UBXN2A: variants seen among roughly 807,000 people sequenced by gnomAD.
UBXN2A encodes the protein UBX domain protein 2A.
UBXN2A carries 28 observed loss-of-function variants against 28.4 expected under a neutral mutation model. The observed-to-expected ratio is 0.99, with a 90% CI of 0.73 to 1.35. The LOEUF (loss-of-function observed/expected upper bound fraction) is 1.35, where lower values mean the gene tolerates loss of function less well. UBXN2A is among the 40% of genes most tolerant of loss of function. UBXN2A has a pLI of 0.00. For synonymous variants in UBXN2A, 97 were observed against 103.6 expected, an observed-to-expected ratio of 0.94 and a Z score of 0.39; for missense variants, 253 against 297.9, an observed-to-expected ratio of 0.85 and a Z score of 1.11.
intron 5 of UBXN2A, 131 bp downstream of exon 5, chr2:23,983,164 A>G (rs1002527947): frequency 1.8e-6 from 2 of 1,132,448 alleles, no homozygotes; most frequent in African/African-American, 3.2e-5. Flanking sequence ...ATTTTTTTTA[A>G]TGTTAATTTT....
chr2:23,956,508 A>G (rs1706632536), intron 1 of UBXN2A, among the ~76,000 whole-genome samples: 1 of 151,802 alleles, frequency 6.6e-6, no homozygotes, highest in Non-Finnish European at 1.5e-5. Context: ...GCCGACCACC[A>G]TGCCTGGCTA....
intron 1 of UBXN2A, among the ~76,000 whole-genome samples, chr2:23,930,722 A>T (rs1489875058): frequency 6.6e-6 from 1 of 152,218 alleles, no homozygotes; most frequent in African/African-American, 2.4e-5. Flanking sequence ...AATTTTAAAA[A>T]AGAGAAAGAA....
chr2:23,987,994 A>G (rs72781649), intron 6 of UBXN2A, among the ~76,000 whole-genome samples: 18,572 of 150,026 alleles, frequency 0.12, 1,231 homozygotes, highest in Middle Eastern at 0.23. Flanking sequence ...GTCGTGGCGT[A>G]TGTCTGTAAT....
At chr2:23,977,137 G>A in intron 4 of UBXN2A, 62 bp downstream of exon 4, 1 of 1,360,422 alleles carries the variant, frequency 7.4e-7, no homozygotes, top group African/African-American at 1.4e-5. Flanking sequence ...GCTGTGGCGA[G>A]AGGATTGCCT....
chr2:23,947,108 G>A (rs1331619550), intron 1 of UBXN2A, among the ~76,000 whole-genome samples: 1 of 152,072 alleles, frequency 6.6e-6, no homozygotes, highest in African/African-American at 2.4e-5. Context: ...GGCTGATCTT[G>A]AACTCCTAGC....
chr2:23,942,066 C>A (rs969240138), intron 1 of UBXN2A, among the ~76,000 whole-genome samples: 1 of 151,966 alleles, frequency 6.6e-6, no homozygotes, highest in Admixed American at 6.6e-5. Flanking sequence ...GGTGACAGAG[C>A]GGGACTCCAT....
intron 2 of UBXN2A, among the ~76,000 whole-genome samples, chr2:23,966,011 T>G (rs1707146817): frequency 6.6e-6 from 1 of 152,214 alleles, no homozygotes; most frequent in Non-Finnish European, 1.5e-5. Flanking sequence ...CAGTTCTTAA[T>G]GCCTTTGCTA....
At chr2:23,992,264 C>T (rs1329387416) in intron 6 of UBXN2A, among the ~76,000 whole-genome samples, 2 of 152,114 alleles carry the variant, frequency 1.3e-5, no homozygotes, top group Non-Finnish European at 2.9e-5. Flanking sequence ...GCCACCGCGC[C>T]CAGCCTAATT....
chr2:23,977,090 G>T lies in UBXN2A; in HGVS notation c.287+15G>T. Reference sequence around the variant, plus strand: ...ATCAAAAAGGGGTGAGTAGCCAGGTGTGGTAGGTCAAGCCTGTAAACCCAA... The same window carrying T: ...ATCAAAAAGGGGTGAGTAGCCAGGTTTGGTAGGTCAAGCCTGTAAACCCAA... On this transcript the variant is annotated intron_variant, in intron 4 of 6. Coordinates refer to ENST00000309033, the MANE Select transcript of UBXN2A (RefSeq NM_181713.4). 1.2e-6 allele frequency: 2 copies of T among 1,605,318 alleles called. No individual in the cohort carries two copies. Among genetic ancestry groups the T allele is most frequent in the East Asian group, 4.5e-5 (2 of 44,730 alleles).
Position 24,000,952 on chromosome 2 carries a change from A to T in UBXN2A, c.*1085A>T, listed in dbSNP as rs553867002. On this transcript the variant is annotated 3_prime_UTR_variant, in exon 7 of 7. Coordinates refer to ENST00000309033, the MANE Select transcript of UBXN2A (RefSeq NM_181713.4). ...TAATGCCGGTGTGTGTCACATTACT[A>T]GTATTTTTTAAATGCATCATATAAA... 1 of 152,252 alleles carries T rather than the reference A, an allele frequency of 6.6e-6. No homozygotes were observed. Among genetic ancestry groups the T allele is most frequent in the Non-Finnish European group, 1.5e-5 (1 of 68,030 alleles). The allele number at this position is 152,252 out of a possible 1,614,324, so 9.4% of individuals were successfully genotyped here.
rs1029847190 is a variant in UBXN2A, at chr2:24,000,654, A to G, written c.*787A>G. On this transcript the variant is annotated 3_prime_UTR_variant, in exon 7 of 7. Coordinates refer to ENST00000309033, the MANE Select transcript of UBXN2A (RefSeq NM_181713.4). ...TGAGATGGGAGGATCACTTGAAGCC[A>G]GGAGTTTAAAACCAGAATGATCAAC... 3.9e-5 allele frequency: 6 copies of G among 152,226 alleles called. No individual in the cohort carries two copies. Among genetic ancestry groups the G allele is most frequent in the African/African-American group, 9.7e-5 (4 of 41,446 alleles). The allele number at this position is 152,226 out of a possible 1,614,324, so 9.4% of individuals were successfully genotyped here.
intron 6 of UBXN2A, among the ~76,000 whole-genome samples, chr2:23,992,287 G>A (rs1317638081): frequency 6.6e-6 from 1 of 152,166 alleles, no homozygotes; most frequent in Non-Finnish European, 1.5e-5. Flanking sequence ...GGTATTTTTA[G>A]TAGAGACAGG....
At chr2:23,967,769 A>C (rs897684482) in intron 2 of UBXN2A, among the ~76,000 whole-genome samples, 41 of 152,304 alleles carry the variant, frequency 2.7e-4, no homozygotes, top group African/African-American at 9.1e-4. Context: ...TCTGTGTAAG[A>C]GGTATCATGT....
chr2:23,953,566 G>A (rs1290224012), intron 1 of UBXN2A, among the ~76,000 whole-genome samples: 1 of 152,076 alleles, frequency 6.6e-6, no homozygotes. Context: ...AGATGTTACG[G>A]ATTCTTTCAT....
At chr2:23,947,800 C>G (rs980091948) in intron 1 of UBXN2A, among the ~76,000 whole-genome samples, 1 of 152,158 alleles carries the variant, frequency 6.6e-6, no homozygotes, top group African/African-American at 2.4e-5. Context: ...AGTTTTAAAT[C>G]AGTGGCTTGC....
At chr2:23,996,136 G>A (rs1708522951) in intron 6 of UBXN2A, among the ~76,000 whole-genome samples, 2 of 149,250 alleles carry the variant, frequency 1.3e-5, no homozygotes, top group Non-Finnish European at 1.5e-5. Context: ...GCATGATCTC[G>A]GCTCACTGCA....
chr2:23,966,368 C>G (rs940310954), intron 2 of UBXN2A, among the ~76,000 whole-genome samples: 2 of 151,786 alleles, frequency 1.3e-5, no homozygotes, highest in Admixed American at 6.6e-5. Flanking sequence ...ATCTCTTGAC[C>G]TCGTGATCCG....
chr2:23,998,647 G>A (rs1708631556), intron 6 of UBXN2A, among the ~76,000 whole-genome samples: 1 of 152,176 alleles, frequency 6.6e-6, no homozygotes, highest in South Asian at 2.1e-4. Context: ...CTTGAACCCG[G>A]GAGGTGGAGG....
At chr2:23,968,629 C>T (rs1251228241) in intron 2 of UBXN2A, among the ~76,000 whole-genome samples, 4 of 149,922 alleles carry the variant, frequency 2.7e-5, no homozygotes, top group East Asian at 2.0e-4. Flanking sequence ...GCCGAGATTG[C>T]GCCACTGCAG....
Sources: gnomAD v4.1 joint callset for allele counts (sites outside exome capture counted in the v4.1 genomes callset) on GRCh38, gnomAD v4.1.1 for gene constraint, MANE v1.5 for transcripts, NCBI Gene and HGNC (gene_info 2026-07-23, HGNC 2026-07-21) for gene names.